Variants in KTN1 observed in about 807,000 individuals in gnomAD.
KTN1 encodes the protein kinectin.
A neutral mutation model predicts 222.5 loss-of-function variants in KTN1; 130 were observed. The ratio of observed to expected loss-of-function variants is 0.58; its 90% confidence interval spans 0.51 to 0.68. The LOEUF (loss-of-function observed/expected upper bound fraction) is 0.68. Ranked by LOEUF, KTN1 falls within the 30% of genes least tolerant of loss-of-function variation. KTN1 has a pLI of 0.00. For synonymous variants in KTN1, 512 were observed against 496.3 expected (o/e 1.03, Z -0.42); for missense variants, 1,508 against 1,500.4 (o/e 1.01, Z -0.08).
intron 5 of KTN1, 123 bp downstream of exon 5, chr14:55,619,435 A>AGGCATTCCAG: frequency 1.1e-6 from 1 of 872,016 alleles, no homozygotes; most frequent in Non-Finnish European, 1.8e-6. Flanking sequence ...ATACATCTGG[A>AGGCATTCCAG]ATGCCTTCAG....
intron 7 of KTN1, among the ~76,000 whole-genome samples, chr14:55,631,738 T>C (rs1045442715): frequency 1.3e-5 from 2 of 152,096 alleles, no homozygotes; most frequent in African/African-American, 2.4e-5. Context: ...GATCACACTA[T>C]TGCACTGCAG....
Position 55,649,867 on chromosome 14 carries a change from T to G in KTN1, c.2405+54T>G, listed in dbSNP as rs183095580. ...TTTTCTTCTTTGGTCCATTTTTTTTTTGTGTGTGCTTAGAAATCTAGTTTT... is the reference window on the plus strand; with the variant it reads ...TTTTCTTCTTTGGTCCATTTTTTTTGTGTGTGTGCTTAGAAATCTAGTTTT... On this transcript the variant is annotated intron_variant, in intron 22 of 43. Coordinates refer to ENST00000395314, the MANE Select transcript of KTN1 (RefSeq NM_001079521.2). 6,163 of 993,198 alleles carry G rather than the reference T, an allele frequency of 6.2e-3. 133 individuals carry two copies. The highest frequency in any genetic ancestry group is 0.05 in the South Asian group (3,398 of 67,814). The allele number at this position is 993,198 out of a possible 1,614,324, so 61.5% of individuals were successfully genotyped here.
rs78698484 is a variant in KTN1 at position 55,589,214 on chromosome 14, T to C, written c.-31+8860T>C. ...ATTACCTGGCATAAATTGGTAGTTA[T>C]ATTTCATATCCTTTCAGTGTTATGT... is the stretch of plus-strand genomic sequence containing the variant. On this transcript the variant is annotated intron_variant, in intron 1 of 43. Coordinates refer to ENST00000395314, the MANE Select transcript of KTN1 (RefSeq NM_001079521.2). 5.7e-3 allele frequency among the ~76,000 whole-genome samples: 872 copies of C among 152,362 alleles called. 8 individuals carry two copies. Among genetic ancestry groups the C allele is most frequent in the African/African-American group, 0.02 (823 of 41,578 alleles).
At chr14:55,661,950 A>T (rs757548614) in intron 32 of KTN1, 18 of 168,454 alleles carry the variant, frequency 1.1e-4, no homozygotes, top group Non-Finnish European at 2.1e-4. Flanking sequence ...TTTTAAAATC[A>T]AAGATATTTC....
intron 22 of KTN1, among the ~76,000 whole-genome samples, chr14:55,650,063 TCTC>T (rs2042789947): frequency 6.6e-6 from 1 of 152,078 alleles, no homozygotes; most frequent in Non-Finnish European, 1.5e-5. Flanking sequence ...GGAACTTGAT[TCTC>T]CTCTGTATTC....
chr14:55,681,805 A>G (rs1372896693), intron 43 of KTN1: 2 of 152,138 alleles, frequency 1.3e-5, no homozygotes, highest in African/African-American at 4.8e-5. Context: ...ATTGACATTG[A>G]TAATTCTTCC....
At chr14:55,643,285 T>C (rs1447662256) in intron 18 of KTN1, among the ~76,000 whole-genome samples, 1 of 152,090 alleles carries the variant, frequency 6.6e-6, no homozygotes, top group Non-Finnish European at 1.5e-5. Flanking sequence ...AAGATTTCTC[T>C]CCCCCCACCC....
At position 55,634,714 on chromosome 14, in the gene KTN1, C is replaced by T. The variant is rs991803402; in HGVS notation, c.1461+56C>T. ...CATGAATAATATAGGCGTATTAGTT[C>T]GTTTTCATACTGGTATGAAGAACTG... On this transcript the variant is annotated intron_variant, in intron 9 of 43. Coordinates refer to ENST00000395314, the MANE Select transcript of KTN1 (RefSeq NM_001079521.2). 151 of 1,466,860 alleles carry T rather than the reference C, an allele frequency of 1.0e-4. 1 individual carries two copies. Among genetic ancestry groups the T allele is most frequent in the African/African-American group, 1.4e-5 (1 of 70,096 alleles). The allele number at this position is 1,466,860 out of a possible 1,614,324, so 90.9% of individuals were successfully genotyped here. A position where few individuals can be genotyped will look rare whatever the true frequency, so the allele number is the denominator to read the frequency against.
chr14:55,667,020 CATT>C (rs1406435893), intron 33 of KTN1, among the ~76,000 whole-genome samples: 2 of 151,900 alleles, frequency 1.3e-5, no homozygotes, highest in Non-Finnish European at 2.9e-5. Flanking sequence ...ATTGCTAAGG[CATT>C]ATTTGATATT....
chr14:55,607,551 C>T (rs1442308758), intron 1 of KTN1: 3 of 152,094 alleles, frequency 2.0e-5, no homozygotes, highest in Non-Finnish European at 4.4e-5. Flanking sequence ...AGATAAAAGA[C>T]AATGGTGTGG....
At chr14:55,675,566 G>A (rs540167465) in intron 40 of KTN1, 1 of 307,732 alleles carries the variant, frequency 3.2e-6, no homozygotes, top group South Asian at 7.9e-5. Context: ...TCTTTAAAAG[G>A]TACTTTACTG....
intron 15 of KTN1, 63 bp downstream of exon 15, chr14:55,640,505 T>G: frequency 8.6e-7 from 1 of 1,164,132 alleles, no homozygotes; most frequent in Non-Finnish European, 1.3e-6. Context: ...CTTATTTTCA[T>G]TGATATTGTG....
intron 1 of KTN1, among the ~76,000 whole-genome samples, chr14:55,595,215 T>C (rs903084739): frequency 4.6e-5 from 7 of 152,250 alleles, no homozygotes; most frequent in Non-Finnish European, 1.0e-4. Context: ...GAATAAAACA[T>C]TGAGTCTGAA....
chr14:55,661,452 A>G, intron 31 of KTN1, 70 bp from the exon 32 acceptor site: 1 of 773,000 alleles, frequency 1.3e-6, no homozygotes, highest in Non-Finnish European at 2.3e-6. Flanking sequence ...GCAAATGTTG[A>G]TAGGTAGGGA....
In KTN1 at chr14:55,639,203, G is replaced by C. The variant is rs756120987; in HGVS notation, c.1804G>C (p.Ala602Pro). Reference sequence around the variant, plus strand: ...TTCTTAGACCTCCGCTTCAGTTCTAGCAGAAGAATTACATAAAGTGTAAGC... The same window carrying C: ...TTCTTAGACCTCCGCTTCAGTTCTACCAGAAGAATTACATAAAGTGTAAGC... ...IAAQTSASVL[A>P]EELHKVIAEK... Residue 602 changes from alanine to proline, a missense_variant, in exon 13 of 44, where the codon GCA becomes CCA. Ala to Pro is a conservative substitution (Grantham distance 27). Coordinates refer to ENST00000395314, the MANE Select transcript of KTN1 (RefSeq NM_001079521.2). 1.2e-6 allele frequency: 2 copies of C among 1,604,732 alleles called. No homozygotes were observed. Among genetic ancestry groups the C allele is most frequent in the African/African-American group, 1.3e-5 (1 of 74,684 alleles).
At chr14:55,635,050 G>A (rs2040963897) in intron 9 of KTN1, among the ~76,000 whole-genome samples, 1 of 152,190 alleles carries the variant, frequency 6.6e-6, no homozygotes, top group East Asian at 1.9e-4. Flanking sequence ...ATGAGGTTTG[G>A]GTGGGGACAC....
At chr14:55,681,411 T>G (rs1315385275) in intron 43 of KTN1, 1 of 152,226 alleles carries the variant, frequency 6.6e-6, no homozygotes, top group Non-Finnish European at 1.5e-5. Flanking sequence ...ATAGATGTTC[T>G]TTAATATTTT....
rs558568118 is a variant in KTN1 at position 55,673,266 on chromosome 14, T to G, written c.3771+11T>G. 711 of 1,556,436 alleles carry G rather than the reference T, an allele frequency of 4.6e-4. 9 individuals carry two copies. The South Asian group carries it at 7.5e-3, about 16-fold the overall frequency. ...GAAGAGCTAAATTTGGTAAGAAGCT[T>G]GTCCTCCACTGGGTATCAAGTAGGC... On this transcript the variant is annotated intron_variant, in intron 40 of 43. Coordinates refer to ENST00000395314, the MANE Select transcript of KTN1 (RefSeq NM_001079521.2).
Position 55,612,449 on chromosome 14 carries a change from A to G in KTN1, c.401A>G (p.Asp134Gly), listed in dbSNP as rs761248188. The G allele has an allele frequency of 2.6e-5, 42 of 1,614,066 alleles. No homozygotes were observed. Among genetic ancestry groups the G allele is most frequent in the South Asian group, 6.6e-5 (6 of 91,076 alleles). Residue 134 changes from aspartate (D) to glycine (G), a missense_variant, in exon 2 of 44, where the codon GAC (aspartate) becomes GGC (glycine). Physicochemically the swap from Asp to Gly is moderately conservative, Grantham distance 94 (BLOSUM62 -1). Coordinates refer to ENST00000395314, the MANE Select transcript of KTN1 (RefSeq NM_001079521.2). ...VLEEQVIKESDASKIPGKKVE... is the reference protein window; with the variant it reads ...VLEEQVIKESGASKIPGKKVE... ...GAAGAGCAGGTCATCAAAGAAAGTG[A>G]CGCATCAAAGATTCCTGGCAAAAAA...
Sources: gnomAD v4.1 joint callset for allele counts (sites outside exome capture counted in the v4.1 genomes callset) on GRCh38, gnomAD v4.1.1 for gene constraint, MANE v1.5 for transcripts, NCBI Gene and HGNC (gene_info 2026-07-23, HGNC 2026-07-21) for gene names.